STARD13: variants seen among roughly 807,000 people sequenced by gnomAD.
STARD13 encodes stAR-related lipid transfer protein 13.
In STARD13, 62 loss-of-function variants were observed where a neutral mutation model predicts 106.4. That is an observed-to-expected ratio of 0.58 (90% CI 0.48 to 0.72). The LOEUF is 0.72. Ranked by LOEUF, STARD13 falls within the 30% of genes least tolerant of loss-of-function variation. The pLI is 0.00. For missense variants in STARD13, 1,387 were observed against 1,424.0 expected, an observed-to-expected ratio of 0.97 and a Z score of 0.42; for synonymous variants, 565 against 553.0, an observed-to-expected ratio of 1.02 and a Z score of -0.31.
chr13:33,348,116 C>T (rs2078035786), downstream of STARD13, among the ~76,000 whole-genome samples: 1 of 152,154 alleles, frequency 6.6e-6, no homozygotes, highest in Non-Finnish European at 1.5e-5. Context: ...CTGCTGGCAT[C>T]CACTGTGAGC....
At chr13:33,131,017 G>A (rs181183725) in intron 4 of STARD13, among the ~76,000 whole-genome samples, 212 of 152,260 alleles carry the variant, frequency 1.4e-3, no homozygotes, top group African/African-American at 4.8e-3. Context: ...GGGTCCCCGC[G>A]GCTTGGCACT....
At chr13:33,550,071 A>T in the STARD13 span, among the ~76,000 whole-genome samples, 1 of 152,216 alleles carries the variant, frequency 6.6e-6, no homozygotes, top group Non-Finnish European at 1.5e-5. Flanking sequence ...TGAAGTCACA[A>T]TTAGGGTAAA....
exon 1 of STARD13, chr13:33,350,416 T>C: frequency 1.3e-6 from 2 of 1,532,658 alleles, no homozygotes; most frequent in South Asian, 2.4e-5. Context: ...CTGGTCATTT[T>C]AGATCCGTCC....
the STARD13 span, chr13:33,524,279 C>A: frequency 7.8e-7 from 1 of 1,280,982 alleles, no homozygotes. Context: ...TGGCTTGGCA[C>A]ACCATCAAGA....
At chr13:33,231,752 G>T (rs1159367118) in intron 1 of STARD13, among the ~76,000 whole-genome samples, 2 of 152,112 alleles carry the variant, frequency 1.3e-5, no homozygotes, top group Non-Finnish European at 2.9e-5. Context: ...CAGGTCCGGG[G>T]CATTCCCATA....
At chr13:33,198,139 G>A (rs754773450) in intron 1 of STARD13, among the ~76,000 whole-genome samples, 25 of 152,316 alleles carry the variant, frequency 1.6e-4, no homozygotes, top group Non-Finnish European at 2.9e-4. Context: ...CTGCACTCCG[G>A]CCTGGGCCAC....
At chr13:33,619,388 T>C in the STARD13 span, among the ~76,000 whole-genome samples, 1 of 152,328 alleles carries the variant, frequency 6.6e-6, no homozygotes, top group African/African-American at 2.4e-5. Flanking sequence ...TTTTCCATCA[T>C]TGAACAGCAG....
At chr13:33,357,670 A>G in the STARD13 span, among the ~76,000 whole-genome samples, 1 of 152,232 alleles carries the variant, frequency 6.6e-6, no homozygotes, top group Non-Finnish European at 1.5e-5. Context: ...TTTACCATCC[A>G]TCTTTAAATC....
At chr13:33,568,155 T>A in the STARD13 span, among the ~76,000 whole-genome samples, 2 of 148,248 alleles carry the variant, frequency 1.3e-5, no homozygotes, top group Non-Finnish European at 3.0e-5. Flanking sequence ...AGTTCCTTCT[T>A]ATTCTGCACT....
chr13:33,676,474 C>T, the STARD13 span, among the ~76,000 whole-genome samples: 3 of 152,172 alleles, frequency 2.0e-5, no homozygotes, highest in Non-Finnish European at 4.4e-5. Context: ...TTATGGAAGA[C>T]ATTTTATTTT....
the STARD13 span, among the ~76,000 whole-genome samples, chr13:33,618,460 CTT>C: frequency 6.7e-6 from 1 of 149,204 alleles, no homozygotes; most frequent in African/African-American, 2.4e-5. Context: ...TGAGAAAAGA[CTT>C]AACAAATTTC....
chr13:33,124,078 C>T (rs1876780571), intron 7 of STARD13, among the ~76,000 whole-genome samples: 1 of 152,194 alleles, frequency 6.6e-6, no homozygotes, highest in Non-Finnish European at 1.5e-5. Context: ...CTCTTTTCCC[C>T]TCGCTTTTCT....
intron 7 of STARD13, 26 bp from the exon 8 acceptor site, chr13:33,118,289 C>T (rs1875712784): frequency 2.5e-6 from 4 of 1,600,442 alleles, no homozygotes; most frequent in Non-Finnish European, 3.4e-6. Flanking sequence ...AGGGATGTGT[C>T]AGCCAGGCCA....
intron 1 of STARD13, among the ~76,000 whole-genome samples, chr13:33,339,706 TG>T (rs1482619716): frequency 2.0e-5 from 3 of 152,348 alleles, no homozygotes; most frequent in African/African-American, 7.2e-5. Context: ...ACTTGAAATA[TG>T]CAAAAGCTTT....
rs1238829093 is a variant in STARD13, at chr13:33,165,361, T to C, written c.299A>G (p.Lys100Arg). 1 of 1,613,612 alleles carries C rather than the reference T, an allele frequency of 6.2e-7. No individual in the cohort carries two copies. The highest frequency in any genetic ancestry group is 1.7e-5 in the Admixed American group (1 of 60,002). The change falls in exon 3 of 14, where the codon AAG becomes AGG. Residue 100 changes from lysine to arginine, a missense_variant. Lys to Arg is a conservative substitution (Grantham distance 26). Transcript: ENST00000336934. The stretch of plus-strand genomic sequence containing the variant: ...CCTGCAAAGAGGTTCTACAAGGTCC[T>C]TTTCAAGAAAATCATGATCATTCTT... ...AVKNDHDFLE[K>R]DLVEPLCRRL... is the part of the protein sequence containing the mutation.
At chr13:33,671,172 A>T in the STARD13 span, among the ~76,000 whole-genome samples, 40 of 152,274 alleles carry the variant, frequency 2.6e-4, no homozygotes, top group African/African-American at 9.6e-4. Context: ...CCTATTAGGC[A>T]TTGCTTATAA....
chr13:33,227,549 T>C (rs1270159957), intron 1 of STARD13, among the ~76,000 whole-genome samples: 1 of 152,196 alleles, frequency 6.6e-6, no homozygotes, highest in Non-Finnish European at 1.5e-5. Flanking sequence ...ATCAGCCTAA[T>C]TGCTTGAAAT....
chr13:33,442,907 T>A, the STARD13 span, among the ~76,000 whole-genome samples: 1 of 152,178 alleles, frequency 6.6e-6, no homozygotes, highest in Non-Finnish European at 1.5e-5. Flanking sequence ...TATTTTAACA[T>A]AATAATCTTC....
chr13:33,488,241 C>T, the STARD13 span, among the ~76,000 whole-genome samples: 1 of 152,154 alleles, frequency 6.6e-6, no homozygotes, highest in African/African-American at 2.4e-5. Flanking sequence ...TCCGCTAGCA[C>T]GATTCCGGAG....
Sources: allele counts gnomAD v4.1 joint callset (sites outside exome capture counted in the v4.1 genomes callset), GRCh38; gene constraint gnomAD v4.1.1; transcripts MANE v1.5; gene names NCBI Gene and HGNC (gene_info 2026-07-23, HGNC 2026-07-21).